OR4F17: variants seen among roughly 807,000 people sequenced by gnomAD.
The protein encoded by OR4F17 is olfactory receptor 4F17.
For synonymous variants in OR4F17, 1 was observed against 120.7 expected (o/e 0.01, Z 6.50); for missense variants, 1 against 323.6 (o/e 0.00, Z 7.65).
At chr19:108,094 TAATATATA>T (rs1968650884) in intron 2 of OR4F17, among the ~76,000 whole-genome samples, 5 of 121,432 alleles carry the variant, frequency 4.1e-5, no homozygotes, top group East Asian at 2.3e-4. Context: ...TTTTATTATA[TAATATATA>T]TTATAGAATA....
chr19:113,139 G>C lies in OR4F17; in HGVS notation c.*1543G>C, dbSNP rs1261686775. On this transcript the variant is annotated 3_prime_UTR_variant, in exon 3 of 3. Transcript: ENST00000585993. ...CACCAAATGCCAGGACAATCTCTAA[G>C]TGAATTCAAGACATAACTCTTTTTT... 1 of 50,442 alleles carries C rather than the reference G, an allele frequency of 2.0e-5. No individual in the cohort carries two copies. Among genetic ancestry groups the C allele is most frequent in the African/African-American group, 5.0e-5 (1 of 20,088 alleles). 3.1% of individuals were successfully genotyped at this position (50,442 alleles called of 1,614,324 possible).
intron 2 of OR4F17, among the ~76,000 whole-genome samples, chr19:109,221 T>C (rs1477347880): frequency 6.6e-6 from 1 of 152,186 alleles, no homozygotes; most frequent in African/African-American, 2.4e-5. Flanking sequence ...TTTTATTTGT[T>C]ACTTCTCTTC....
intron 2 of OR4F17, among the ~76,000 whole-genome samples, chr19:109,183 T>C (rs1416268119): frequency 6.6e-6 from 1 of 152,260 alleles, no homozygotes; most frequent in Non-Finnish European, 1.5e-5. Context: ...AGATTGTTAA[T>C]ATGGCTATGC....
chr19:109,961 A>G (rs1568169444), intron 2 of OR4F17, among the ~76,000 whole-genome samples: 1 of 151,896 alleles, frequency 6.6e-6, no homozygotes, highest in African/African-American at 2.4e-5. Flanking sequence ...CTTCCAATTC[A>G]CATTGAGTCC....
chr19:109,928 G>A (rs1449358120), intron 2 of OR4F17, among the ~76,000 whole-genome samples: 1 of 152,126 alleles, frequency 6.6e-6, no homozygotes, highest in Non-Finnish European at 1.5e-5. Flanking sequence ...ATAATTACTT[G>A]GCTTCATTTC....
chr19:108,894 A>T (rs1968667333), intron 2 of OR4F17, among the ~76,000 whole-genome samples: 2 of 152,066 alleles, frequency 1.3e-5, no homozygotes, highest in East Asian at 1.9e-4. Context: ...AATATTTAAG[A>T]TCACTAAATT....
chr19:110,038 C>T (rs921693467), intron 2 of OR4F17, among the ~76,000 whole-genome samples: 3 of 143,366 alleles, frequency 2.1e-5, no homozygotes, highest in Non-Finnish European at 4.6e-5. Flanking sequence ...AACAGAAATG[C>T]TTTAGAAAGC....
chr19:108,473 G>A (rs1168187930), intron 2 of OR4F17, among the ~76,000 whole-genome samples: 6 of 150,930 alleles, frequency 4.0e-5, no homozygotes, highest in Non-Finnish European at 8.9e-5. Context: ...ATTCAGGAGA[G>A]AGATGTCTTA....
chr19:109,701 A>C (rs1968680883), intron 2 of OR4F17, among the ~76,000 whole-genome samples: 2 of 138,534 alleles, frequency 1.4e-5, no homozygotes, highest in Admixed American at 1.5e-4. Context: ...TATATTTTCC[A>C]GATGTGGCCG....
chr19:110,158 C>T (rs1968687120), intron 2 of OR4F17, among the ~76,000 whole-genome samples: 1 of 148,934 alleles, frequency 6.7e-6, no homozygotes, highest in African/African-American at 2.4e-5. Flanking sequence ...TTTGAATTCC[C>T]TATTCTTTTA....
intron 2 of OR4F17, among the ~76,000 whole-genome samples, chr19:108,890 T>A (rs1465125654): frequency 6.6e-6 from 1 of 152,100 alleles, no homozygotes; most frequent in Admixed American, 6.6e-5. Flanking sequence ...TAAAAATATT[T>A]AAGATCACTA....
At chr19:108,211 T>TAC (rs1261543076) in intron 2 of OR4F17, among the ~76,000 whole-genome samples, 2 of 130,134 alleles carry the variant, frequency 1.5e-5, no homozygotes, top group African/African-American at 5.4e-5. Flanking sequence ...ATATATATAT[T>TAC]ATATATAATT....
chr19:107,910 A>T (rs937293524), intron 2 of OR4F17, among the ~76,000 whole-genome samples: 17 of 6,358 alleles, frequency 2.7e-3, no homozygotes, highest in Admixed American at 4.8e-3. Flanking sequence ...ATATAATATA[A>T]ATTATATAAA....
At chr19:107,843 A>G in intron 2 of OR4F17, among the ~76,000 whole-genome samples, 1 of 111,140 alleles carries the variant, frequency 9.0e-6, no homozygotes, top group Admixed American at 1.5e-4. Flanking sequence ...TATAATATAA[A>G]TTATATAAAT....
chr19:109,827 C>T (rs1227266575), intron 2 of OR4F17, among the ~76,000 whole-genome samples: 6 of 151,704 alleles, frequency 4.0e-5, no homozygotes, highest in African/African-American at 7.3e-5. Flanking sequence ...TACTTTAATA[C>T]GTTGCTCGAT....
chr19:111,772 T>TA lies in OR4F17; in HGVS notation c.*176_*177insA. On this transcript the variant is annotated 3_prime_UTR_variant, in exon 3 of 3. Transcript: ENST00000585993. ...ATCTTTCAACAACTTGTGTGTTATATTTTGGAATACAGATACAAAGTTATT... is the reference window on the plus strand; with the variant it reads ...ATCTTTCAACAACTTGTGTGTTATATATTTGGAATACAGATACAAAGTTATT... 1 of 608,772 alleles carries TA rather than the reference T, an allele frequency of 1.6e-6. No individual in the cohort carries two copies. 37.7% of individuals were successfully genotyped at this position (608,772 alleles called of 1,614,324 possible). A position where few individuals can be genotyped will look rare whatever the true frequency, so the allele number is the denominator to read the frequency against.
intron 2 of OR4F17, among the ~76,000 whole-genome samples, chr19:109,608 A>G (rs1968679696): frequency 7.7e-6 from 1 of 130,096 alleles, no homozygotes; most frequent in Admixed American, 8.6e-5. Context: ...TTATATATTG[A>G]CCATTACTAT....
intron 2 of OR4F17, among the ~76,000 whole-genome samples, chr19:107,879 TAATA>T (rs1263932160): frequency 9.1e-4 from 39 of 42,844 alleles, no homozygotes; most frequent in Admixed American, 1.8e-3. Flanking sequence ...TTATATAATA[TAATA>T]TATATTATAT....
intron 2 of OR4F17, among the ~76,000 whole-genome samples, chr19:107,861 ATATTTTATTATAT>A (rs1968635859): frequency 1.1e-5 from 1 of 94,030 alleles, no homozygotes; most frequent in African/African-American, 4.2e-5. Context: ...AATATAATAT[ATATTTTATTATAT>A]AATATAATAT....
Sources: gnomAD v4.1 joint callset for allele counts (sites outside exome capture counted in the v4.1 genomes callset) on GRCh38, gnomAD v4.1.1 for gene constraint, MANE v1.5 for transcripts, NCBI Gene and HGNC (gene_info 2026-07-23, HGNC 2026-07-21) for gene names.